KIF1C: variants seen among roughly 807,000 people sequenced by gnomAD.
KIF1C encodes the protein kinesin family member 1C.
In KIF1C, 61 loss-of-function variants were observed where a neutral mutation model predicts 126.5. The observed-to-expected ratio is 0.48, with a 90% CI of 0.39 to 0.60. KIF1C has a LOEUF of 0.60. Among genes scored for constraint, KIF1C ranks in the 20% least tolerant of loss-of-function variants. The pLI, the probability that KIF1C is intolerant of heterozygous loss-of-function variation, is 0.00. For missense variants in KIF1C, 1,315 were observed against 1,489.2 expected, an observed-to-expected ratio of 0.88 and a Z score of 1.93; for synonymous variants, 640 against 580.6, an observed-to-expected ratio of 1.10 and a Z score of -1.47.
chr17:5,020,878 G>T lies in KIF1C; in HGVS notation c.2010G>T (p.Leu670=). The T allele has an allele frequency of 5.7e-6, 9 of 1,575,358 alleles. No individual in the cohort carries two copies. Among genetic ancestry groups the T allele is most frequent in the Non-Finnish European group, 6.9e-6 (8 of 1,160,244 alleles). ...ATCTTCTGCTGGAGCAGCAGCGACT[G>T]GTGAGGGGCAGCAGGGGCTGGGGAT... ...EADLLLEQQR[L]YADSDSGDDS... is the part of the protein sequence containing the mutation. Residue 670 remains leucine (L), a splice_region_variant and synonymous_variant, in exon 21 of 23, where the codon CTG becomes CTT. Transcript: ENST00000320785. The surrounding 1 kb of genome is among the most constrained non-coding windows in gnomAD (Gnocchi z 5.8).
intron 18 of KIF1C, 63 bp downstream of exon 18, chr17:5,014,900 A>G: frequency 7.4e-7 from 1 of 1,357,850 alleles, no homozygotes; most frequent in Non-Finnish European, 1.0e-6. Flanking sequence ...CACCCCACAC[A>G]CTGAACTCAG....
Position 5,000,214 on chromosome 17 carries a change from C to T in KIF1C, c.-27-6C>T, listed in dbSNP as rs187958965. On this transcript the variant is annotated splice_region_variant and splice_polypyrimidine_tract_variant and intron_variant, in intron 2 of 22. Coordinates refer to ENST00000320785, the MANE Select transcript of KIF1C (RefSeq NM_006612.6). ...TGACCCCACCACTCCTTTCTCTGTCCTCCAGCTGAGGAGGGCAGGAGTGTC... is the reference window on the plus strand; with the variant it reads ...TGACCCCACCACTCCTTTCTCTGTCTTCCAGCTGAGGAGGGCAGGAGTGTC... 6.7e-7 allele frequency: 1 copy of T among 1,483,334 alleles called. No individual in the cohort carries two copies. Among genetic ancestry groups the T allele is most frequent in the East Asian group, 2.5e-5 (1 of 40,664 alleles). The allele number at this position is 1,483,334 out of a possible 1,614,324, so 91.9% of individuals were successfully genotyped here. A position where few individuals can be genotyped will look rare whatever the true frequency, so the allele number is the denominator to read the frequency against.
At chr17:5,013,613 C>G (rs758785600) in intron 16 of KIF1C, 40 bp from the exon 17 acceptor site, 9 of 1,486,064 alleles carry the variant, frequency 6.1e-6, no homozygotes, top group Non-Finnish European at 8.5e-6. Context: ...TATAGCACCC[C>G]TGGCTGGCTC....
In KIF1C at chr17:5,004,640, C is replaced by T. The variant is rs764866515; in HGVS notation, c.1014C>T (p.Thr338=). 1 of 1,614,030 alleles carries T rather than the reference C, an allele frequency of 6.2e-7. No individual in the cohort carries two copies. Among genetic ancestry groups the T allele is most frequent in the Non-Finnish European group, 8.5e-7 (1 of 1,179,942 alleles). The part of the protein sequence containing the change: ...ADINYEETLS[T]LRYADRTKQI... ...TCAATTACGAGGAGACTCTCAGCAC[C>T]CTCAGGTGAGGCTTTTGGCTCTAGC... The change falls in exon 12 of 23, where the codon ACC becomes ACT. Residue 338 remains threonine (T), a synonymous_variant. Coordinates refer to ENST00000320785, the MANE Select transcript of KIF1C (RefSeq NM_006612.6).
chr17:5,000,453 G>T, intron 3 of KIF1C, 101 bp downstream of exon 3: 1 of 834,024 alleles, frequency 1.2e-6, no homozygotes, highest in South Asian at 1.5e-5. Flanking sequence ...GGTAATGCTG[G>T]GCACAGAGCA....
In KIF1C at chr17:5,000,301, G is replaced by A. The variant is rs1470002802; in HGVS notation, c.55G>A (p.Glu19Lys). 1.3e-6 allele frequency: 2 copies of A among 1,594,050 alleles called. No individual in the cohort carries two copies. The highest frequency in any genetic ancestry group is 1.7e-5 in the Admixed American group (1 of 57,428). ...AVRVRPFNARETSQDAKCVVS... is the reference protein window; with the variant it reads ...AVRVRPFNARKTSQDAKCVVS... ...GAGGGTTCGGCCCTTTAACGCCCGT[G>A]AGACCAGCCAGGATGCCAAGTGTGT... Residue 19 changes from glutamate (E) to lysine (K), a missense_variant, in exon 3 of 23, where the codon GAG (glutamate) becomes AAG (lysine). Coordinates refer to ENST00000320785, the MANE Select transcript of KIF1C (RefSeq NM_006612.6).
chr17:5,023,877 C>T lies in KIF1C; in HGVS notation c.3038C>T (p.Pro1013Leu), dbSNP rs749860382. The T allele has an allele frequency of 2.0e-6, 3 of 1,532,634 alleles. No homozygotes were observed. Among genetic ancestry groups the T allele is most frequent in the Non-Finnish European group, 2.6e-6 (3 of 1,139,210 alleles). 94.9% of individuals were successfully genotyped at this position (1,532,634 alleles called of 1,614,324 possible). A position where few individuals can be genotyped will look rare whatever the true frequency, so the allele number is the denominator to read the frequency against. ...LQPPEEVTPH[P>L]ATPARRPPSP... ...CCCCCTGAGGAGGTCACTCCCCATC[C>T]AGCCACCCCTGCCCGCCGGCCTCCG... The change falls in exon 23 of 23, where the codon CCA becomes CTA. Residue 1013 changes from proline (P) to leucine (L), a missense_variant. By Grantham distance (98) the Pro-to-Leu change is moderately conservative. Transcript: ENST00000320785. This position sits in a 1 kb window ranked among gnomAD's most constrained non-coding sequence, Gnocchi z 4.2.
chr17:5,014,700 A>G (rs1974935047), intron 17 of KIF1C, 43 bp from the exon 18 acceptor site: 2 of 1,449,074 alleles, frequency 1.4e-6, no homozygotes, highest in Non-Finnish European at 9.5e-7. Flanking sequence ...GGCTTGGTTA[A>G]AGTCTGGCAC....
At chr17:5,003,299 A>G (rs945105559) in intron 8 of KIF1C, among the ~76,000 whole-genome samples, 1 of 152,058 alleles carries the variant, frequency 6.6e-6, no homozygotes, top group Non-Finnish European at 1.5e-5. Context: ...CAGCCGCCTC[A>G]GCCTCCCAAA....
intron 17 of KIF1C, 84 bp from the exon 18 acceptor site, chr17:5,014,659 C>T: frequency 1.0e-6 from 1 of 973,124 alleles, no homozygotes; most frequent in Non-Finnish European, 1.6e-6. Context: ...TGGCTTGGTT[C>T]ATTGAGTTGG....
chr17:5,025,873 G>A lies in KIF1C; in HGVS notation c.*1722G>A, dbSNP rs1362787921. ...TGCTTGTTTTAATGTTCTGGCTTGAGGCAGCGAGCCCTTGACTATGCCACA... is the reference window on the plus strand; with the variant it reads ...TGCTTGTTTTAATGTTCTGGCTTGAAGCAGCGAGCCCTTGACTATGCCACA... On this transcript the variant is annotated 3_prime_UTR_variant, in exon 23 of 23. Transcript: ENST00000320785. 6.6e-6 allele frequency: 1 copy of A among 152,190 alleles called. No individual in the cohort carries two copies. Among genetic ancestry groups the A allele is most frequent in the East Asian group, 1.9e-4 (1 of 5,194 alleles). The allele number at this position is 152,190 out of a possible 1,614,324, so 9.4% of individuals were successfully genotyped here.
chr17:5,018,233 G>A (rs988581577), intron 18 of KIF1C, among the ~76,000 whole-genome samples: 5 of 151,946 alleles, frequency 3.3e-5, no homozygotes, highest in South Asian at 2.1e-4. Context: ...CACCTGCCTC[G>A]GCCTCCCAAA....
intron 18 of KIF1C, among the ~76,000 whole-genome samples, chr17:5,016,502 C>T (rs551408011): frequency 2.6e-5 from 4 of 151,624 alleles, no homozygotes; most frequent in South Asian, 2.1e-4. Flanking sequence ...CCACCTGCCT[C>T]GGCCTCCCAA....
chr17:5,015,163 C>A (rs377623), intron 18 of KIF1C, among the ~76,000 whole-genome samples: 50,082 of 152,096 alleles, frequency 0.33, 8,695 homozygotes, highest in African/African-American at 0.44. Context: ...TTGTTCACCA[C>A]AACTAGCACT....
intron 17 of KIF1C, 53 bp downstream of exon 17, chr17:5,013,785 G>A: frequency 7.1e-7 from 1 of 1,416,178 alleles, no homozygotes; most frequent in Non-Finnish European, 1.0e-6. Context: ...GGGTGTGGCT[G>A]CCAAGGGTTG....
Position 5,024,275 on chromosome 17 carries a change from G to C in KIF1C, c.*124G>C. The C allele has an allele frequency of 2.8e-6, 2 of 706,572 alleles. No homozygotes were observed. The highest frequency in any genetic ancestry group is 2.9e-5 in the East Asian group (1 of 34,710). 43.8% of individuals were successfully genotyped at this position (706,572 alleles called of 1,614,324 possible). A position where few individuals can be genotyped will look rare whatever the true frequency, so the allele number is the denominator to read the frequency against. ...CCAGGAGATGAGAGAGAAGGTCCGA[G>C]TAGGTGATAGAAGACAAGGGGGAGA... is the stretch of plus-strand genomic sequence containing the variant. On this transcript the variant is annotated 3_prime_UTR_variant, in exon 23 of 23. Transcript: ENST00000320785.
intron 18 of KIF1C, among the ~76,000 whole-genome samples, chr17:5,015,683 C>T (rs1481546683): frequency 1.3e-5 from 2 of 150,620 alleles, no homozygotes; most frequent in African/African-American, 2.4e-5. Flanking sequence ...CTGCAGCCCC[C>T]ACCTCCCAGG....
In KIF1C at chr17:5,004,813, C is replaced by T. The variant is rs201660417; in HGVS notation, c.1020-42C>T. The T allele has an allele frequency of 3.1e-3, 5,026 of 1,613,246 alleles. 18 individuals carry two copies. The highest frequency in any genetic ancestry group is 3.7e-3 in the Non-Finnish European group (4,345 of 1,179,406). On this transcript the variant is annotated intron_variant, in intron 12 of 22. Transcript: ENST00000320785. ...AGGAGAAACAGCAGACCAAGGGTCCCCTGCCCCCAGGCCTCACCGACCCTG... is the reference window on the plus strand; with the variant it reads ...AGGAGAAACAGCAGACCAAGGGTCCTCTGCCCCCAGGCCTCACCGACCCTG...
In KIF1C at chr17:5,027,165, G is replaced by T. The variant is rs965194721; in HGVS notation, c.*3014G>T. On this transcript the variant is annotated 3_prime_UTR_variant, in exon 23 of 23. Transcript: ENST00000320785. ...ATTTTTTGAGACGGAGTCTCGCTCT[G>T]TTGCCTAGGCTGGAGTGCGATGGCA... 1 of 152,184 alleles carries T rather than the reference G, an allele frequency of 6.6e-6. No homozygotes were observed. Among genetic ancestry groups the T allele is most frequent in the Admixed American group, 6.5e-5 (1 of 15,278 alleles). The allele number at this position is 152,184 out of a possible 1,614,324, so 9.4% of individuals were successfully genotyped here. A position where few individuals can be genotyped will look rare whatever the true frequency, so the allele number is the denominator to read the frequency against.
Sources: allele counts gnomAD v4.1 joint callset (sites outside exome capture counted in the v4.1 genomes callset), GRCh38; gene constraint gnomAD v4.1.1; non-coding constraint Gnocchi (gnomAD v3.1); transcripts MANE v1.5; gene names NCBI Gene and HGNC (gene_info 2026-07-23, HGNC 2026-07-21).